Variants in RNH1 observed in about 807,000 individuals in gnomAD.
RNH1 encodes the protein ribonuclease/angiogenin inhibitor 1.
RNH1 carries 38 observed loss-of-function variants against 46.1 expected under a neutral mutation model. The ratio of observed to expected loss-of-function variants is 0.82; its 90% confidence interval spans 0.64 to 1.08. RNH1 has a LOEUF of 1.08. RNH1 is among the 50% of genes least tolerant of loss of function. The probability of loss-of-function intolerance (pLI) is 0.00; values close to 1 mark genes in which losing one functional copy is unlikely to be tolerated. For synonymous variants in RNH1, 319 were observed against 279.1 expected, an observed-to-expected ratio of 1.14 and a Z score of -1.43; for missense variants, 577 against 590.7, an observed-to-expected ratio of 0.98 and a Z score of 0.24.
chr11:500,828 G>GT, intron 3 of RNH1, 174 bp from the exon 4 acceptor site: 1 of 831,552 alleles, frequency 1.2e-6, no homozygotes, highest in Non-Finnish European at 2.0e-6. Flanking sequence ...TGAAAGTTTT[G>GT]TTTAAGATGC....
intron 4 of RNH1, chr11:500,235 T>C (rs1849620287): frequency 3.0e-6 from 2 of 666,398 alleles, no homozygotes; most frequent in Non-Finnish European, 5.0e-6. Context: ...TCTGTGGTGA[T>C]GCTGGAAGGC....
In RNH1 at chr11:502,248, T is replaced by C. The variant is rs112114182; in HGVS notation, c.-86A>G. ...CCCTCACAGTTTCACAGGCCGGAGATTCTGCAAACAGGACCCACAGGGCTG... is the reference window on the plus strand; with the variant it reads ...CCCTCACAGTTTCACAGGCCGGAGACTCTGCAAACAGGACCCACAGGGCTG... On this transcript the variant is annotated splice_region_variant and 5_prime_UTR_variant, in exon 3 of 11. Coordinates refer to ENST00000354420, the MANE Select transcript of RNH1 (RefSeq NM_203387.3). The surrounding 1 kb of genome is among the most constrained non-coding windows in gnomAD (Gnocchi z 5.8). The C allele has an allele frequency of 9.2e-6, 10 of 1,091,628 alleles. No individual in the cohort carries two copies. The African/African-American group carries it at 1.2e-4, about 14-fold the overall frequency. 67.6% of individuals were successfully genotyped at this position (1,091,628 alleles called of 1,614,324 possible).
intron 1 of RNH1, chr11:505,306 A>C (rs1850168798): frequency 6.6e-6 from 1 of 152,220 alleles, no homozygotes; most frequent in African/African-American, 2.4e-5. Flanking sequence ...CCTAATCTCC[A>C]AACCTGTGGT....
chr11:494,676 G>T lies in RNH1; in HGVS notation c.*15C>A. The T allele has an allele frequency of 6.2e-7, 1 of 1,612,558 alleles. No individual in the cohort carries two copies. Among genetic ancestry groups the T allele is most frequent in the Non-Finnish European group, 8.5e-7 (1 of 1,179,086 alleles). The stretch of plus-strand genomic sequence containing the variant: ...CGAGGCCGGTCGTCCAGGGAGAGCA[G>T]CAGCAGGAAGAGCCTCAGGAGATGA... On this transcript the variant is annotated 3_prime_UTR_variant, in exon 11 of 11. Transcript: ENST00000354420.
intron 4 of RNH1, 137 bp downstream of exon 4, chr11:500,347 G>T: frequency 9.5e-7 from 1 of 1,057,066 alleles, no homozygotes; most frequent in Non-Finnish European, 1.4e-6. Context: ...GTGTGCCTCT[G>T]GCTGATGTTG....
At position 501,325 on chromosome 11, in the gene RNH1, T is replaced by C. The variant is rs1849733880; in HGVS notation, c.102-671A>G. On this transcript the variant is annotated intron_variant, in intron 3 of 10. Transcript: ENST00000354420. The surrounding 1 kb of genome is among the most constrained non-coding windows in gnomAD (Gnocchi z 4.1). Reference sequence around the variant, plus strand: ...ACCAGACAAGCCCCAACAGAGGACGTCCTGCAGGAGCCTGGCCAGACCCTC... The same window carrying C: ...ACCAGACAAGCCCCAACAGAGGACGCCCTGCAGGAGCCTGGCCAGACCCTC... 1 of 170,492 alleles carries C rather than the reference T, an allele frequency of 5.9e-6. No individual in the cohort carries two copies. The highest frequency in any genetic ancestry group is 5.5e-5 in the Admixed American group (1 of 18,102). The allele number at this position is 170,492 out of a possible 1,614,324, so 10.6% of individuals were successfully genotyped here. A position where few individuals can be genotyped will look rare whatever the true frequency, so the allele number is the denominator to read the frequency against.
intron 9 of RNH1, among the ~76,000 whole-genome samples, chr11:497,212 C>CACAT (rs1362796158): frequency 1.5e-5 from 1 of 65,476 alleles, no homozygotes; most frequent in South Asian, 3.4e-4. Context: ...CCCATGTGCT[C>CACAT]ACGTACTCTC....
rs991208783 is a variant in RNH1 at position 501,122 on chromosome 11, T to C, written c.102-468A>G. 1.0e-5 allele frequency: 3 copies of C among 294,414 alleles called. No homozygotes were observed. Among genetic ancestry groups the C allele is most frequent in the Middle Eastern group, 1.3e-3 (1 of 790 alleles). The allele number at this position is 294,414 out of a possible 1,614,324, so 18.2% of individuals were successfully genotyped here. ...GGGTGACAGAGCAATGCCCTGTCTC[T>C]AAAAATAAAAAGAATTTAAAGTATC... is the stretch of plus-strand genomic sequence containing the variant. On this transcript the variant is annotated intron_variant, in intron 3 of 10. Transcript: ENST00000354420. The surrounding 1 kb of genome is among the most constrained non-coding windows in gnomAD (Gnocchi z 4.1).
rs971478211 is a variant in RNH1, at chr11:502,172, G to C, written c.-10C>G. 1.0e-5 allele frequency: 16 copies of C among 1,602,088 alleles called. No individual in the cohort carries two copies. Among genetic ancestry groups the C allele is most frequent in the Non-Finnish European group, 1.2e-5 (14 of 1,172,912 alleles). Reference sequence around the variant, plus strand: ...GGATGTCCAGGCTCATGGTGGAGGTGAAGAGTGGCCTGGGTGGGAGGCAGA... The same window carrying C: ...GGATGTCCAGGCTCATGGTGGAGGTCAAGAGTGGCCTGGGTGGGAGGCAGA... On this transcript the variant is annotated 5_prime_UTR_variant, in exon 3 of 11. Coordinates refer to ENST00000354420, the MANE Select transcript of RNH1 (RefSeq NM_203387.3). This position sits in a 1 kb window ranked among gnomAD's most constrained non-coding sequence, Gnocchi z 5.8.
chr11:499,972 G>A lies in RNH1; in HGVS notation c.300C>T (p.Ala100=), dbSNP rs138456490. ...LSLQNCCLTG[A]GCGVLSSTLR... ...GTGTGCTGGACAGGACCCCGCAGCC[G>A]GCCCCCGTCAGGCAGCAGTTCTGGA... The change falls in exon 5 of 11, where the codon GCC becomes GCT. Residue 100 remains alanine (A), a synonymous_variant. Transcript: ENST00000354420. 50 of 1,588,902 alleles carry A rather than the reference G, an allele frequency of 3.1e-5. No individual in the cohort carries two copies. Among genetic ancestry groups the A allele is most frequent in the Non-Finnish European group, 4.0e-5 (47 of 1,169,032 alleles).
chr11:501,467 C>A lies in RNH1; in HGVS notation c.101+595G>T, dbSNP rs17155883. 20 of 158,498 alleles carry A rather than the reference C, an allele frequency of 1.3e-4. No individual in the cohort carries two copies. The highest frequency in any genetic ancestry group is 3.4e-3 in the Middle Eastern group (1 of 296). 9.8% of individuals were successfully genotyped at this position (158,498 alleles called of 1,614,324 possible). ...AGTGAGGAAGACGAAAAGGGCAGGG[C>A]GGAAAAGCAGACCCTGCCTGGAGGT... On this transcript the variant is annotated intron_variant, in intron 3 of 10. Transcript: ENST00000354420. The surrounding 1 kb of genome is among the most constrained non-coding windows in gnomAD (Gnocchi z 4.1).
Position 500,225 on chromosome 11 carries a change from T to C in RNH1, c.273-226A>G, listed in dbSNP as rs558791145. On this transcript the variant is annotated intron_variant, in intron 4 of 10. Coordinates refer to ENST00000354420, the MANE Select transcript of RNH1 (RefSeq NM_203387.3). ...CTGCAGACACACCTTTCAGTGGGGGTCTGTGGTGATGCTGGAAGGCTAGGG... is the reference window on the plus strand; with the variant it reads ...CTGCAGACACACCTTTCAGTGGGGGCCTGTGGTGATGCTGGAAGGCTAGGG... 7.9e-5 allele frequency: 52 copies of C among 657,272 alleles called. No homozygotes were observed. The South Asian group carries it at 8.2e-4, about 10-fold the overall frequency. The allele number at this position is 657,272 out of a possible 1,614,324, so 40.7% of individuals were successfully genotyped here.
Position 499,026 on chromosome 11 carries a change from C to T in RNH1, c.603G>A (p.Leu201=). Residue 201 remains leucine (L), a synonymous_variant, in exon 6 of 11, where the codon CTG becomes CTA. Coordinates refer to ENST00000354420, the MANE Select transcript of RNH1 (RefSeq NM_203387.3). The part of the protein sequence containing the change: ...CQGLKDSPCQ[L]EALKLESCGV... ...GGCCCAGTGCCTACTTGAGCGCCTC[C>T]AGCTGGCAGGGGGAGTCCTTCAGGC... is the stretch of plus-strand genomic sequence containing the variant. 3 of 1,613,166 alleles carry T rather than the reference C, an allele frequency of 1.9e-6. No individual in the cohort carries two copies. The highest frequency in any genetic ancestry group is 2.5e-6 in the Non-Finnish European group (3 of 1,179,940).
intron 6 of RNH1, 22 bp from the exon 7 acceptor site, chr11:498,955 G>A (rs989322433): frequency 1.2e-6 from 2 of 1,611,784 alleles, no homozygotes; most frequent in Non-Finnish European, 8.5e-7. Flanking sequence ...GGTCACACGT[G>A]AGGCAGCACG....
rs374043420 is a variant in RNH1 at position 494,802 on chromosome 11, C to T, written c.1299-24G>A. 40 of 1,613,036 alleles carry T rather than the reference C, an allele frequency of 2.5e-5. No individual in the cohort carries two copies. In the African/African-American group the frequency reaches 4.9e-4, roughly 20 times the overall value. On this transcript the variant is annotated intron_variant, in intron 10 of 10. Transcript: ENST00000354420. ...GGCTGCACACAGGCCAGAAGGGAGG[C>T]ATGGGCCCGTGTCCTCCCCCACCCC...
At chr11:497,092 G>T (rs970692669) in intron 9 of RNH1, among the ~76,000 whole-genome samples, 1 of 145,930 alleles carries the variant, frequency 6.9e-6, no homozygotes, top group Non-Finnish European at 1.5e-5. Flanking sequence ...GCTCACTCTC[G>T]CCCATGTGCC....
chr11:501,918 C>T lies in RNH1; in HGVS notation c.101+144G>A, dbSNP rs1849782742. On this transcript the variant is annotated intron_variant, in intron 3 of 10. Transcript: ENST00000354420. The surrounding 1 kb of genome is among the most constrained non-coding windows in gnomAD (Gnocchi z 4.1). The stretch of plus-strand genomic sequence containing the variant: ...TTGTCAAAAAGAAACACAAGAATCA[C>T]ATCTCATGCACGTGGTAGCTGCACA... 1 of 617,028 alleles carries T rather than the reference C, an allele frequency of 1.6e-6. No homozygotes were observed. The highest frequency in any genetic ancestry group is 1.8e-5 in the African/African-American group (1 of 54,548). The allele number at this position is 617,028 out of a possible 1,614,324, so 38.2% of individuals were successfully genotyped here.
chr11:496,392 A>G (rs960406955), intron 9 of RNH1, among the ~76,000 whole-genome samples: 4 of 152,156 alleles, frequency 2.6e-5, no homozygotes, highest in Admixed American at 1.3e-4. Context: ...AAATTAGGCC[A>G]GGCGTGGTGG....
rs1213268367 is a variant in RNH1 at position 500,755 on chromosome 11, A to C, written c.102-101T>G. 3 of 1,212,064 alleles carry C rather than the reference A, an allele frequency of 2.5e-6. No individual in the cohort carries two copies. The South Asian group carries it at 3.8e-5, about 15-fold the overall frequency. The allele number at this position is 1,212,064 out of a possible 1,614,324, so 75.1% of individuals were successfully genotyped here. On this transcript the variant is annotated intron_variant, in intron 3 of 10. Coordinates refer to ENST00000354420, the MANE Select transcript of RNH1 (RefSeq NM_203387.3). ...GGTTACAACCTATCAGTGGGCCCAG[A>C]AGACAGCAAGGCAAGTCACACAAGA...
Sources: gnomAD v4.1 joint callset for allele counts (sites outside exome capture counted in the v4.1 genomes callset) on GRCh38, gnomAD v4.1.1 for gene constraint, Gnocchi (gnomAD v3.1) non-coding constraint, MANE v1.5 for transcripts, NCBI Gene and HGNC (gene_info 2026-07-23, HGNC 2026-07-21) for gene names.